The following ANKDD1A variants were observed in gnomAD, a reference collection of about 807,000 sequenced individuals.
ANKDD1A encodes the protein ankyrin repeat and death domain containing 1A.
A neutral mutation model predicts 63.5 loss-of-function variants in ANKDD1A; 59 were observed. The ratio of observed to expected loss-of-function variants is 0.93; its 90% CI spans 0.75 to 1.15. The LOEUF (loss-of-function observed/expected upper bound fraction) is 1.15. Ranked by LOEUF, ANKDD1A falls within the 50% of genes most tolerant of loss-of-function variation. The pLI is 0.00. For missense variants in ANKDD1A, 632 were observed against 656.4 expected (o/e 0.96, Z 0.41); for synonymous variants, 266 against 263.9 (o/e 1.01, Z -0.08).
intron 9 of ANKDD1A, among the ~76,000 whole-genome samples, chr15:64,938,020 C>G (rs764122917): frequency 6.6e-6 from 1 of 151,960 alleles, no homozygotes; most frequent in Admixed American, 6.6e-5. Context: ...AGAGAGAGCT[C>G]CCAATGGTCA....
intron 6 of ANKDD1A, among the ~76,000 whole-genome samples, chr15:64,929,331 A>G (rs1567112023): frequency 6.6e-6 from 1 of 151,894 alleles, no homozygotes. Context: ...GCACCACCAC[A>G]TCTGGCTAAT....
At chr15:64,954,753 T>C (rs201659231) in intron 14 of ANKDD1A, among the ~76,000 whole-genome samples, 4 of 69,610 alleles carry the variant, frequency 5.7e-5, no homozygotes, top group Non-Finnish European at 1.7e-4. Context: ...CCTTCTTCTT[T>C]CTTTTTGTTC....
chr15:64,950,153 G>A, intron 14 of ANKDD1A, 181 bp downstream of exon 14: 1 of 985,402 alleles, frequency 1.0e-6, no homozygotes, highest in Non-Finnish European at 1.2e-6. Context: ...TCCTGGCCCT[G>A]GTTTCCCCAT....
chr15:64,950,419 T>A, intron 14 of ANKDD1A: 1 of 985,378 alleles, frequency 1.0e-6, no homozygotes. Flanking sequence ...CTTATTTGAG[T>A]ATGCCAATCT....
At chr15:64,915,992 A>C in intron 2 of ANKDD1A, 92 bp downstream of exon 2, 1 of 1,252,536 alleles carries the variant, frequency 8.0e-7, no homozygotes, top group Non-Finnish European at 1.1e-6. Flanking sequence ...AGCTAGAGGC[A>C]GGCACATTTG....
In ANKDD1A at chr15:64,915,839, A is replaced by G; in HGVS notation, c.77A>G (p.Asn26Ser). Residue 26 changes from asparagine to serine, a missense_variant, in exon 2 of 15, where the codon AAC becomes AGC. Asn to Ser is a conservative substitution (Grantham distance 46). Coordinates refer to ENST00000319580, the MANE Select transcript of ANKDD1A (RefSeq NM_182703.6). ...ERQLHEAARQ[N>S]NVGRMQELIG... The stretch of plus-strand genomic sequence containing the variant: ...CAGCTCCACGAGGCCGCCCGCCAGA[A>G]CAATGTCGGCAGGATGCAGGAGCTG... 3 of 1,614,116 alleles carry G rather than the reference A, an allele frequency of 1.9e-6. No individual in the cohort carries two copies. Among genetic ancestry groups the G allele is most frequent in the Non-Finnish European group, 2.5e-6 (3 of 1,179,996 alleles).
chr15:64,926,600 G>T (rs1425503080), intron 5 of ANKDD1A, among the ~76,000 whole-genome samples: 1 of 152,122 alleles, frequency 6.6e-6, no homozygotes, highest in Non-Finnish European at 1.5e-5. Context: ...GGTCTGATGG[G>T]TGGTTGGGGG....
intron 4 of ANKDD1A, among the ~76,000 whole-genome samples, chr15:64,925,673 C>T (rs950608600): frequency 3.9e-5 from 6 of 152,154 alleles, no homozygotes; most frequent in African/African-American, 1.2e-4. Context: ...ACGACCTCAC[C>T]GTACATGTTT....
chr15:64,950,447 AT>A, intron 14 of ANKDD1A: 1 of 985,408 alleles, frequency 1.0e-6, no homozygotes, highest in Non-Finnish European at 1.2e-6. Flanking sequence ...CTGATATGGG[AT>A]TCAGTGTTCT....
chr15:64,931,906 T>C, intron 8 of ANKDD1A: 1 of 492,532 alleles, frequency 2.0e-6, no homozygotes, highest in Non-Finnish European at 3.6e-6. Flanking sequence ...TTTGTTTTAA[T>C]TTTTTTGAGA....
At chr15:64,945,322 C>T (rs978222434) in intron 12 of ANKDD1A, among the ~76,000 whole-genome samples, 6 of 151,744 alleles carry the variant, frequency 4.0e-5, no homozygotes, top group Admixed American at 2.0e-4. Flanking sequence ...AGATGGTCCC[C>T]GATTACAATG....
intron 14 of ANKDD1A, among the ~76,000 whole-genome samples, chr15:64,956,845 G>A (rs1046228996): frequency 1.3e-5 from 2 of 152,028 alleles, no homozygotes; most frequent in East Asian, 1.9e-4. Flanking sequence ...GAGCCACGGA[G>A]CCCAGCCATT....
rs1311676104 is a variant in ANKDD1A, at chr15:64,951,404, CTT to C, written c.1483+1437_1483+1438del. ...TTTTCTTTTCTTCTTCCTCTTTTTT[CTT>C]TTTTCTTTTCTTCCTCTTTTCTTCT... is the stretch of plus-strand genomic sequence containing the variant. On this transcript the variant is annotated intron_variant, in intron 14 of 14. Coordinates refer to ENST00000319580, the MANE Select transcript of ANKDD1A (RefSeq NM_182703.6). 2.2e-3 allele frequency: 104 copies of C among 47,944 alleles called. No homozygotes were observed. The Admixed American group carries it at 0.036, about 17-fold the overall frequency. The allele number at this position is 47,944 out of a possible 1,614,324, so 3.0% of individuals were successfully genotyped here. A position where few individuals can be genotyped will look rare whatever the true frequency, so the allele number is the denominator to read the frequency against.
At chr15:64,931,327 A>G (rs542170808) in intron 7 of ANKDD1A, among the ~76,000 whole-genome samples, 160 bp from the exon 8 acceptor site, 1 of 152,232 alleles carries the variant, frequency 6.6e-6, no homozygotes, top group Non-Finnish European at 1.5e-5. Context: ...GGGCTCATGG[A>G]ATCACAAACA....
rs150747772 is a variant in ANKDD1A, at chr15:64,938,500, T to C, written c.868-3967T>C. Among the ~76,000 whole-genome samples, 72 of 152,314 alleles carry C rather than the reference T, an allele frequency of 4.7e-4. No homozygotes were observed. In the East Asian group the frequency reaches 0.013, roughly 27 times the overall value. On this transcript the variant is annotated intron_variant, in intron 9 of 14. Transcript: ENST00000319580. ...GCAGACAAATCCTGGTTAGGAGACATTCTACGAAATACTTGACAAGTAATT... is the reference window on the plus strand; with the variant it reads ...GCAGACAAATCCTGGTTAGGAGACACTCTACGAAATACTTGACAAGTAATT...
Position 64,953,777 on chromosome 15 carries a change from TTTTC to T in ANKDD1A, c.1484-3319_1484-3316del, listed in dbSNP as rs1376179192. Reference sequence around the variant, plus strand: ...TCTTCGTTCTTCTTCCTCTTCCCTCTTTTCTTTCTTCTGCTTTCTTCTTCCTTTT... The same window carrying T: ...TCTTCGTTCTTCTTCCTCTTCCCTCTTTTCTTCTGCTTTCTTCTTCCTTTT... On this transcript the variant is annotated intron_variant, in intron 14 of 14. Transcript: ENST00000319580. 3.2e-4 allele frequency among the ~76,000 whole-genome samples: 7 copies of T among 21,698 alleles called. 1 individual carries two copies. Among genetic ancestry groups the T allele is most frequent in the Non-Finnish European group, 8.9e-4 (2 of 2,242 alleles). 14.2% of individuals were successfully genotyped at this position (21,698 alleles called of 152,430 possible). A position where few individuals can be genotyped will look rare whatever the true frequency, so the allele number is the denominator to read the frequency against.
At chr15:64,948,594 GTGGGCAGA>G (rs1437432077) in intron 13 of ANKDD1A, among the ~76,000 whole-genome samples, 1 of 152,140 alleles carries the variant, frequency 6.6e-6, no homozygotes, top group African/African-American at 2.4e-5. Context: ...GGAGGCCAAG[GTGGGCAGA>G]TCACCTGAGG....
intron 14 of ANKDD1A, among the ~76,000 whole-genome samples, chr15:64,956,605 G>A (rs899117227): frequency 6.6e-6 from 1 of 152,212 alleles, no homozygotes; most frequent in Non-Finnish European, 1.5e-5. Context: ...GCCCTGTCTG[G>A]AATGCAGTGG....
intron 14 of ANKDD1A, among the ~76,000 whole-genome samples, chr15:64,952,654 TCTTCTTCCC>T (rs1566916899): frequency 1.3e-5 from 2 of 150,670 alleles, no homozygotes; most frequent in African/African-American, 4.9e-5. Context: ...TCCTTCTCCT[TCTTCTTCCC>T]CTTCTTCCTT....
Sources: gnomAD v4.1 joint callset for allele counts (sites outside exome capture counted in the v4.1 genomes callset) on GRCh38, gnomAD v4.1.1 for gene constraint, MANE v1.5 for transcripts, NCBI Gene and HGNC (gene_info 2026-07-23, HGNC 2026-07-21) for gene names.